Variants in BBS2 observed in about 807,000 individuals in gnomAD.
BBS2 encodes the protein BBSome complex member BBS2.
Under a neutral mutation model 83.0 loss-of-function variants are expected in BBS2, and 62 were observed. That is an observed-to-expected ratio of 0.75 (90% CI 0.61 to 0.92). The LOEUF is 0.92. Among genes scored for constraint, BBS2 ranks in the 40% least tolerant of loss-of-function variants. The probability of loss-of-function intolerance (pLI) is 0.00; values close to 1 mark genes in which losing one functional copy is unlikely to be tolerated. For synonymous variants in BBS2, 303 were observed against 326.1 expected (o/e 0.93, Z 0.76); for missense variants, 784 against 901.0 (o/e 0.87, Z 1.66).
intron 17 of BBS2, among the ~76,000 whole-genome samples, chr16:56,471,142 A>G (rs1480681061): frequency 2.6e-5 from 4 of 151,812 alleles, no homozygotes; most frequent in Non-Finnish European, 4.4e-5. Context: ...ACCTGAGGCC[A>G]GGAGTTCGAG....
chr16:56,481,295 T>A (rs1348302021), downstream of BBS2, among the ~76,000 whole-genome samples: 1 of 152,020 alleles, frequency 6.6e-6, no homozygotes, highest in East Asian at 1.9e-4. Context: ...CTCAAGGCAC[T>A]GGCTCAGCAC....
chr16:56,499,748 A>C (rs199891018), intron 12 of BBS2, 30 bp downstream of exon 12: 23 of 1,613,652 alleles, frequency 1.4e-5, no homozygotes, highest in Non-Finnish European at 1.9e-5. Context: ...ACTGTGTAAA[A>C]GCATTGAAAG....
intron 15 of BBS2, among the ~76,000 whole-genome samples, chr16:56,491,725 CAAA>C (rs773397021): frequency 0.097 from 4,172 of 43,056 alleles, 75 homozygotes; most frequent in East Asian, 0.27. Context: ...AACTCAACAG[CAAA>C]AAAAAAAAAA....
At chr16:56,516,521 C>T (rs1253682710) in intron 1 of BBS2, among the ~76,000 whole-genome samples, 1 of 152,068 alleles carries the variant, frequency 6.6e-6, no homozygotes, top group Non-Finnish European at 1.5e-5. Flanking sequence ...CTCAGCCTCC[C>T]GAGTAGCTGG....
intron 17 of BBS2, chr16:56,478,729 T>A (rs1398294637): frequency 6.6e-6 from 1 of 152,190 alleles, no homozygotes; most frequent in Non-Finnish European, 1.5e-5. Flanking sequence ...CTTTTTAGTG[T>A]CTCCTTTATC....
chr16:56,502,283 T>C, intron 9 of BBS2, 34 bp downstream of exon 9: 1 of 1,614,084 alleles, frequency 6.2e-7, no homozygotes, highest in Middle Eastern at 1.6e-4. Flanking sequence ...CATTTCAGCC[T>C]CCATTACCTG....
intron 15 of BBS2, among the ~76,000 whole-genome samples, chr16:56,494,197 G>A (rs962864371): frequency 4.7e-5 from 7 of 148,626 alleles, no homozygotes; most frequent in African/African-American, 1.7e-4. Context: ...CGAATCCCTG[G>A]GCTCATGTGA....
At chr16:56,497,603 C>T (rs1964150303) in intron 14 of BBS2, 140 bp downstream of exon 14, 1 of 1,095,796 alleles carries the variant, frequency 9.1e-7, no homozygotes, top group African/African-American at 1.6e-5. Flanking sequence ...CTCTCCAATA[C>T]TAGTTCAATT....
At chr16:56,473,973 A>G (rs1596989766) in intron 17 of BBS2, among the ~76,000 whole-genome samples, 2 of 151,996 alleles carry the variant, frequency 1.3e-5, no homozygotes, top group African/African-American at 4.8e-5. Flanking sequence ...TGCTCAGCTA[A>G]TATTTTCGTA....
chr16:56,489,246 T>C (rs1010656273), intron 15 of BBS2, among the ~76,000 whole-genome samples: 1 of 151,716 alleles, frequency 6.6e-6, no homozygotes, highest in Non-Finnish European at 1.5e-5. Context: ...GAGGCTGAGG[T>C]AGGAGGATCC....
intron 7 of BBS2, among the ~76,000 whole-genome samples, chr16:56,503,093 A>G (rs1429726486): frequency 6.6e-6 from 1 of 152,234 alleles, no homozygotes; most frequent in Non-Finnish European, 1.5e-5. Context: ...GCCAGTACAT[A>G]TAGTACACAC....
chr16:56,480,319 T>TC (rs1317032095), downstream of BBS2, among the ~76,000 whole-genome samples: 20 of 99,750 alleles, frequency 2.0e-4, no homozygotes, highest in South Asian at 1.1e-3. Flanking sequence ...GTGGGTTTCT[T>TC]CCCCACAGAA....
At chr16:56,486,711 T>C (rs1963786664) in intron 15 of BBS2, among the ~76,000 whole-genome samples, 1 of 151,546 alleles carries the variant, frequency 6.6e-6, no homozygotes, top group Non-Finnish European at 1.5e-5. Flanking sequence ...TTAGAAGAGG[T>C]ATTGATACAA....
At chr16:56,500,261 C>A (rs1964229152) in intron 11 of BBS2, 3 of 248,780 alleles carry the variant, frequency 1.2e-5, no homozygotes, top group South Asian at 4.9e-5. Context: ...GTTTTAGTGG[C>A]CAAAACTACA....
intron 5 of BBS2, among the ~76,000 whole-genome samples, chr16:56,507,027 C>T (rs1274165561): frequency 1.3e-5 from 2 of 152,210 alleles, no homozygotes; most frequent in African/African-American, 4.8e-5. Context: ...TTTACACCTA[C>T]AGCTTTTCTA....
At chr16:56,508,179 A>G (rs1475334795) in intron 5 of BBS2, among the ~76,000 whole-genome samples, 1 of 152,208 alleles carries the variant, frequency 6.6e-6, no homozygotes, top group Non-Finnish European at 1.5e-5. Flanking sequence ...CATTGGTAGC[A>G]CTGTATGTCA....
intron 1 of BBS2, among the ~76,000 whole-genome samples, chr16:56,519,045 G>C (rs1964835631): frequency 6.6e-6 from 1 of 152,184 alleles, no homozygotes; most frequent in Non-Finnish European, 1.5e-5. Flanking sequence ...AAAGGACTGT[G>C]AAAGGCTGGG....
rs540379132 is a variant in BBS2, at chr16:56,519,321, A to T, written c.117+425T>A. Among the ~76,000 whole-genome samples the T allele has an allele frequency of 5.2e-3, 709 of 135,718 alleles. 2 individuals carry two copies. Among genetic ancestry groups the T allele is most frequent in the African/African-American group, 0.019 (657 of 35,172 alleles). The allele number at this position is 135,718 out of a possible 152,430, so 89.0% of individuals were successfully genotyped here. On this transcript the variant is annotated intron_variant, in intron 1 of 16. Transcript: ENST00000245157. ...ACTCCAGCCTGGGCGACAGGGCAAGACTCCGTCTCAAAAAAAAAAAAAAAA... is the reference window on the plus strand; with the variant it reads ...ACTCCAGCCTGGGCGACAGGGCAAGTCTCCGTCTCAAAAAAAAAAAAAAAA...
chr16:56,515,910 G>A (rs551745667), intron 1 of BBS2, among the ~76,000 whole-genome samples: 145 of 152,304 alleles, frequency 9.5e-4, no homozygotes, highest in Non-Finnish European at 1.8e-3. Context: ...AGAGCCTGGT[G>A]TGCTCCAGGC....
Sources: allele counts gnomAD v4.1 joint callset (sites outside exome capture counted in the v4.1 genomes callset), GRCh38; gene constraint gnomAD v4.1.1; transcripts MANE v1.5; gene names NCBI Gene and HGNC (gene_info 2026-07-23, HGNC 2026-07-21).